NR2F1-AS1: variants seen among roughly 807,000 people sequenced by gnomAD.
NR2F1-AS1 encodes NR2F1 regulatory antisense RNA 1.
At chr5:93,519,481 T>C (rs1204323725) in intron 4 of NR2F1-AS1, among the ~76,000 whole-genome samples, 3 of 152,068 alleles carry the variant, frequency 2.0e-5, no homozygotes, top group Non-Finnish European at 4.4e-5. Flanking sequence ...TTGCCCACAC[T>C]GCATGATGCT....
chr5:93,477,075 G>A lies in NR2F1-AS1; in HGVS notation n.638+76686C>T, dbSNP rs570184417. Reference sequence around the variant, plus strand: ...AAGTGAAACTTCGGGGAAATATCAGGTGGGAATACTTTGCATTGTATATAT... The same window carrying A: ...AAGTGAAACTTCGGGGAAATATCAGATGGGAATACTTTGCATTGTATATAT... On this transcript the variant is annotated intron_variant and non_coding_transcript_variant, in intron 4 of 5. Coordinates refer to ENST00000660523, the Ensembl canonical transcript of NR2F1-AS1. 2.6e-5 allele frequency among the ~76,000 whole-genome samples: 4 copies of A among 152,230 alleles called. No homozygotes were observed. The South Asian group carries it at 6.2e-4, about 24-fold the overall frequency.
upstream of NR2F1-AS1, chr5:93,584,246 C>CT (rs1365833598): frequency 6.7e-6 from 1 of 148,970 alleles, no homozygotes; most frequent in African/African-American, 2.4e-5. Context: ...CGGGTCCCGG[C>CT]TCCTCCAGCG....
chr5:93,495,587 G>C (rs1750942061), intron 4 of NR2F1-AS1, among the ~76,000 whole-genome samples: 1 of 151,972 alleles, frequency 6.6e-6, no homozygotes, highest in African/African-American at 2.4e-5. Context: ...ATGGAGATAA[G>C]TTAAGAATCT....
chr5:93,530,072 AG>A (rs1751702229), intron 4 of NR2F1-AS1, among the ~76,000 whole-genome samples: 1 of 145,606 alleles, frequency 6.9e-6, no homozygotes, highest in East Asian at 2.0e-4. Context: ...TACAATTTGA[AG>A]GCTTTTTTTT....
At chr5:93,415,703 C>T (rs2149840173) in intron 4 of NR2F1-AS1, among the ~76,000 whole-genome samples, 1 of 152,316 alleles carries the variant, frequency 6.6e-6, no homozygotes, top group East Asian at 1.9e-4. Context: ...AGTACTGGTT[C>T]TGTCCCTGCC....
upstream of NR2F1-AS1, chr5:93,585,525 C>T: frequency 2.0e-6 from 3 of 1,531,930 alleles, no homozygotes; most frequent in Non-Finnish European, 2.7e-6. Context: ...CGCGCTTCGC[C>T]CGCCTCCCTG....
intron 4 of NR2F1-AS1, among the ~76,000 whole-genome samples, chr5:93,540,659 T>C (rs1051106563): frequency 6.6e-6 from 1 of 152,184 alleles, no homozygotes; most frequent in Non-Finnish European, 1.5e-5. Context: ...TTAGTGGAGT[T>C]GTGCTAAAAA....
At chr5:93,474,838 T>G (rs1215159910) in intron 4 of NR2F1-AS1, among the ~76,000 whole-genome samples, 2 of 152,176 alleles carry the variant, frequency 1.3e-5, no homozygotes, top group Non-Finnish European at 2.9e-5. Flanking sequence ...CAAAGATGAT[T>G]TCCCGGCCAG....
intron 4 of NR2F1-AS1, among the ~76,000 whole-genome samples, chr5:93,551,038 C>A (rs1752215140): frequency 6.6e-6 from 1 of 151,640 alleles, no homozygotes; most frequent in Admixed American, 6.6e-5. Flanking sequence ...TTCTCAGCAG[C>A]ACAAATTAAA....
rs949849982 is a variant in NR2F1-AS1 at position 93,542,517 on chromosome 5, C to T, written n.638+11244G>A. 3 of 152,086 alleles carry T rather than the reference C, an allele frequency of 2.0e-5. No individual in the cohort carries two copies. In the South Asian group the frequency reaches 6.2e-4, roughly 32 times the overall value. The allele number at this position is 152,086 out of a possible 1,614,324, so 9.4% of individuals were successfully genotyped here. Reference sequence around the variant, plus strand: ...ATCTCCAAACATTATCAAATGTCCCCTAGGGGAAAAAAATCATCCCCAGTT... The same window carrying T: ...ATCTCCAAACATTATCAAATGTCCCTTAGGGGAAAAAAATCATCCCCAGTT... On this transcript the variant is annotated intron_variant and non_coding_transcript_variant, in intron 4 of 5. Transcript: ENST00000660523.
chr5:93,574,801 G>A (rs1377937572), intron 1 of NR2F1-AS1, among the ~76,000 whole-genome samples: 1 of 152,050 alleles, frequency 6.6e-6, no homozygotes, highest in Non-Finnish European at 1.5e-5. Context: ...TCGGTTTGAC[G>A]CCCCACCGGA....
At chr5:93,418,886 A>T (rs939573899) in intron 4 of NR2F1-AS1, among the ~76,000 whole-genome samples, 7 of 152,318 alleles carry the variant, frequency 4.6e-5, no homozygotes, top group African/African-American at 1.4e-4. Context: ...GGACTATTCA[A>T]TGTCATAGCA....
intron 1 of NR2F1-AS1, among the ~76,000 whole-genome samples, chr5:93,572,249 G>T (rs1477089463): frequency 2.0e-5 from 3 of 152,218 alleles, no homozygotes; most frequent in African/African-American, 7.2e-5. Context: ...TGGCGCTGGG[G>T]CCTGAGGTTG....
Position 93,579,055 on chromosome 5 carries a change from G to T in NR2F1-AS1, n.313+1412C>A, listed in dbSNP as rs1346316522. 6.6e-6 allele frequency among the ~76,000 whole-genome samples: 1 copy of T among 152,202 alleles called. No homozygotes were observed. The highest frequency in any genetic ancestry group is 2.4e-5 in the African/African-American group (1 of 41,454). On this transcript the variant is annotated intron_variant and non_coding_transcript_variant, in intron 1 of 5. Coordinates refer to ENST00000660523, the Ensembl canonical transcript of NR2F1-AS1. This position sits in a 1 kb window ranked among gnomAD's most constrained non-coding sequence, Gnocchi z 5.1. ...ATGAGCACAAGTGGGGCGCCCTGTGGGTGTGCAACCGCGGTCGGGGAGCAC... is the reference window on the plus strand; with the variant it reads ...ATGAGCACAAGTGGGGCGCCCTGTGTGTGTGCAACCGCGGTCGGGGAGCAC...
At chr5:93,409,534 A>G (rs1454416482) in intron 4 of NR2F1-AS1, 1 of 152,234 alleles carries the variant, frequency 6.6e-6, no homozygotes, top group Non-Finnish European at 1.5e-5. Flanking sequence ...TCTACAGTTT[A>G]GTAGAACACA....
At chr5:93,571,477 A>C (rs1752766826) in intron 1 of NR2F1-AS1, 1 of 150,154 alleles carries the variant, frequency 6.7e-6, no homozygotes, top group African/African-American at 2.5e-5. Flanking sequence ...GTGACGGCGG[A>C]AGGACGGAAC....
At chr5:93,467,837 A>G (rs1750272664) in intron 4 of NR2F1-AS1, among the ~76,000 whole-genome samples, 1 of 151,746 alleles carries the variant, frequency 6.6e-6, no homozygotes, top group African/African-American at 2.4e-5. Flanking sequence ...GCCCCGGCAT[A>G]TGGTGTTTCC....
At chr5:93,512,873 C>T (rs772881352) in intron 4 of NR2F1-AS1, among the ~76,000 whole-genome samples, 14 of 152,174 alleles carry the variant, frequency 9.2e-5, no homozygotes, top group Non-Finnish European at 1.6e-4. Context: ...TGTAGGTTTG[C>T]GTAAGTATAC....
chr5:93,447,932 A>C (rs1409117907), intron 4 of NR2F1-AS1, among the ~76,000 whole-genome samples: 1 of 152,170 alleles, frequency 6.6e-6, no homozygotes, highest in Non-Finnish European at 1.5e-5. Flanking sequence ...CATCATTCTG[A>C]GCAAACTATA....
Sources: allele counts gnomAD v4.1 joint callset (sites outside exome capture counted in the v4.1 genomes callset), GRCh38; gene constraint gnomAD v4.1.1; non-coding constraint Gnocchi (gnomAD v3.1); transcripts MANE v1.5; gene names NCBI Gene and HGNC (gene_info 2026-07-23, HGNC 2026-07-21).